Variants in ADAMTS17 observed in about 807,000 individuals in gnomAD.
ADAMTS17 encodes the protein ADAM metallopeptidase with thrombospondin type 1 motif 17, also known as A disintegrin and metalloproteinase with thrombospondin motifs 17.
Under a neutral mutation model 141.5 loss-of-function variants are expected in ADAMTS17, and 113 were observed. The observed-to-expected ratio is 0.80, with a 90% CI of 0.69 to 0.93. The LOEUF is 0.93. Ranked by LOEUF, ADAMTS17 falls within the 40% of genes least tolerant of loss-of-function variation. The probability of loss-of-function intolerance (pLI) is 0.00; values close to 1 mark genes in which losing one functional copy is unlikely to be tolerated. For missense variants in ADAMTS17, 1,659 were observed against 1,517.9 expected (o/e 1.09, Z -1.54); for synonymous variants, 768 against 630.6 (o/e 1.22, Z -3.27).
At position 99,974,006 on chromosome 15, in the gene ADAMTS17, T is replaced by A; in HGVS notation, c.*396A>T. Reference sequence around the variant, plus strand: ...CCGGCTTTCAGAATAAAGCCTTTTCTAGCATGTCTCGTTTTGGGGATGTTT... The same window carrying A: ...CCGGCTTTCAGAATAAAGCCTTTTCAAGCATGTCTCGTTTTGGGGATGTTT... On this transcript the variant is annotated 3_prime_UTR_variant, in exon 22 of 22. Coordinates refer to ENST00000268070, the MANE Select transcript of ADAMTS17 (RefSeq NM_139057.4). The A allele has an allele frequency of 6.9e-6, 1 of 144,178 alleles. No homozygotes were observed. Among genetic ancestry groups the A allele is most frequent in the South Asian group, 4.9e-5 (1 of 20,572 alleles). 8.9% of individuals were successfully genotyped at this position (144,178 alleles called of 1,614,324 possible). A position where few individuals can be genotyped will look rare whatever the true frequency, so the allele number is the denominator to read the frequency against.
At chr15:100,294,492 T>C (rs906685468) in intron 3 of ADAMTS17, among the ~76,000 whole-genome samples, 1 of 151,550 alleles carries the variant, frequency 6.6e-6, no homozygotes, top group African/African-American at 2.4e-5. Flanking sequence ...CCCAGAGCTA[T>C]GTGAGGCCAA....
chr15:100,190,361 G>C (rs575016446), intron 8 of ADAMTS17, among the ~76,000 whole-genome samples: 1 of 152,262 alleles, frequency 6.6e-6, no homozygotes, highest in East Asian at 1.9e-4. Context: ...TACCACCTTC[G>C]CACAAAGTGA....
At chr15:100,268,579 G>A (rs756390615) in intron 4 of ADAMTS17, among the ~76,000 whole-genome samples, 3 of 152,282 alleles carry the variant, frequency 2.0e-5, no homozygotes, top group African/African-American at 4.8e-5. Context: ...TTTGTTGGCC[G>A]TGTGTATGTC....
chr15:100,236,283 T>TA (rs34689590), intron 7 of ADAMTS17, among the ~76,000 whole-genome samples: 8,514 of 128,436 alleles, frequency 0.066, 1,020 homozygotes, highest in African/African-American at 0.24. Flanking sequence ...CCCACGACAT[T>TA]AAAAAAAAAA....
intron 6 of ADAMTS17, among the ~76,000 whole-genome samples, chr15:100,259,993 C>T (rs1295332309): frequency 6.6e-6 from 1 of 152,090 alleles, no homozygotes; most frequent in Non-Finnish European, 1.5e-5. Context: ...TACAAGTGTG[C>T]ACCACCACGC....
At chr15:100,052,518 C>T (rs141208718) in intron 16 of ADAMTS17, among the ~76,000 whole-genome samples, 17 of 152,308 alleles carry the variant, frequency 1.1e-4, no homozygotes, top group Middle Eastern at 3.4e-3. Context: ...TTCACTTTAA[C>T]GGGCTAACCA....
chr15:99,987,082 G>A (rs753602209), intron 20 of ADAMTS17, among the ~76,000 whole-genome samples: 11 of 152,204 alleles, frequency 7.2e-5, no homozygotes, highest in Non-Finnish European at 1.5e-4. Context: ...GGCTCTGAGT[G>A]GCAGGAGTGC....
chr15:100,258,641 G>A (rs554160818), intron 6 of ADAMTS17, among the ~76,000 whole-genome samples: 1 of 126,676 alleles, frequency 7.9e-6, no homozygotes, highest in Non-Finnish European at 1.7e-5. Context: ...GCACAAGAAA[G>A]ACCTGCCCCC....
At chr15:100,297,199 T>A (rs1279135675) in intron 3 of ADAMTS17, among the ~76,000 whole-genome samples, 1 of 152,022 alleles carries the variant, frequency 6.6e-6, no homozygotes, top group Non-Finnish European at 1.5e-5. Flanking sequence ...GAAAGCACGG[T>A]ATGTTCTAGA....
chr15:99,975,089 T>G (rs1831861172), intron 21 of ADAMTS17, among the ~76,000 whole-genome samples: 1 of 152,130 alleles, frequency 6.6e-6, no homozygotes, highest in Admixed American at 6.6e-5. Context: ...CTCAAAGGCC[T>G]CCCCCGGAAC....
At chr15:100,337,474 G>T (rs929488903) in intron 2 of ADAMTS17, among the ~76,000 whole-genome samples, 83 of 152,284 alleles carry the variant, frequency 5.5e-4, no homozygotes, top group African/African-American at 1.8e-3. Flanking sequence ...CTTCAAGGTG[G>T]CCTGGAACGT....
chr15:100,010,346 G>A (rs2061138221), intron 18 of ADAMTS17, among the ~76,000 whole-genome samples: 1 of 152,198 alleles, frequency 6.6e-6, no homozygotes, highest in Non-Finnish European at 1.5e-5. Context: ...TATTGGGCAT[G>A]GGGAAATCAG....
chr15:100,229,327 G>A (rs142024454), intron 7 of ADAMTS17, among the ~76,000 whole-genome samples: 6 of 151,288 alleles, frequency 4.0e-5, no homozygotes, highest in African/African-American at 1.5e-4. Flanking sequence ...GGACTCCCAG[G>A]CCTCTTATCT....
chr15:100,337,136 A>G (rs2046230885), intron 2 of ADAMTS17, among the ~76,000 whole-genome samples: 1 of 152,182 alleles, frequency 6.6e-6, no homozygotes, highest in Non-Finnish European at 1.5e-5. Context: ...GGCCTTCCAA[A>G]GTGCTGGGAT....
intron 7 of ADAMTS17, among the ~76,000 whole-genome samples, chr15:100,216,200 GAGA>G (rs1003224943): frequency 1.3e-5 from 2 of 152,188 alleles, no homozygotes; most frequent in African/African-American, 4.8e-5. Flanking sequence ...TGAATAATGA[GAGA>G]AGAAGCAATG....
chr15:100,104,532 T>G (rs1202927737), intron 14 of ADAMTS17, among the ~76,000 whole-genome samples: 1 of 152,190 alleles, frequency 6.6e-6, no homozygotes, highest in Admixed American at 6.5e-5. Context: ...TCTCATCCCC[T>G]ACCAACTAGT....
intron 15 of ADAMTS17, among the ~76,000 whole-genome samples, chr15:100,066,352 G>C (rs1011529887): frequency 2.0e-5 from 3 of 151,622 alleles, no homozygotes; most frequent in African/African-American, 7.3e-5. Context: ...GCTTGTCAGG[G>C]CTTAGATGGC....
In ADAMTS17 at chr15:100,326,783, G is replaced by A. The variant is rs74325570; in HGVS notation, c.616+4106C>T. Among the ~76,000 whole-genome samples, 72 of 152,286 alleles carry A rather than the reference G, an allele frequency of 4.7e-4. No individual in the cohort carries two copies. In the East Asian group the frequency reaches 0.014, roughly 29 times the overall value. On this transcript the variant is annotated intron_variant, in intron 3 of 21. Transcript: ENST00000268070. ...ACTTCAAATCCCAATTAAACAGAAC[G>A]TTTGACCCCCTCATCCTAATTAAAA...
intron 12 of ADAMTS17, among the ~76,000 whole-genome samples, chr15:100,122,717 TAAGA>T (rs2037513283): frequency 2.0e-5 from 3 of 152,320 alleles, no homozygotes; most frequent in South Asian, 4.2e-4. Flanking sequence ...AAAAGGTTAT[TAAGA>T]AAATCATAAG....
Sources: gnomAD v4.1 joint callset for allele counts (sites outside exome capture counted in the v4.1 genomes callset) on GRCh38, gnomAD v4.1.1 for gene constraint, MANE v1.5 for transcripts, NCBI Gene and HGNC (gene_info 2026-07-23, HGNC 2026-07-21) for gene names.